IFIH1: variants seen among roughly 807,000 people sequenced by gnomAD.
IFIH1 encodes interferon induced with helicase C domain 1.
Under a neutral mutation model 107.4 loss-of-function variants are expected in IFIH1, and 125 were observed. The ratio of observed to expected loss-of-function variants is 1.16; its 90% CI spans 1.01 to 1.35. The LOEUF is 1.35. Among genes scored for constraint, IFIH1 ranks in the 40% most tolerant of loss-of-function variants. IFIH1 has a pLI of 0.00. For synonymous variants in IFIH1, 458 were observed against 413.2 expected (o/e 1.11, Z -1.31); for missense variants, 1,333 against 1,213.7 (o/e 1.10, Z -1.46).
intron 5 of IFIH1, among the ~76,000 whole-genome samples, chr2:162,287,245 A>G (rs1682910533): frequency 1.3e-5 from 2 of 151,990 alleles, no homozygotes; most frequent in Admixed American, 6.6e-5. Context: ...AACTTTTAGC[A>G]TAATAGAAAT....
chr2:162,275,546 T>C (rs2105195319), intron 11 of IFIH1, among the ~76,000 whole-genome samples: 1 of 152,310 alleles, frequency 6.6e-6, no homozygotes, highest in East Asian at 1.9e-4. Flanking sequence ...ATTAATTTTA[T>C]TGGCAATGCT....
chr2:162,302,071 C>A (rs1683203097), intron 3 of IFIH1, among the ~76,000 whole-genome samples: 1 of 152,048 alleles, frequency 6.6e-6, no homozygotes, highest in African/African-American at 2.4e-5. Context: ...ATGATGAAAT[C>A]ACTCTCTAGA....
rs765203521 is a variant in IFIH1 at position 162,268,105 on chromosome 2, T to C, written c.2789A>G (p.Asn930Ser). 19 of 1,605,836 alleles carry C rather than the reference T, an allele frequency of 1.2e-5. No homozygotes were observed. The highest frequency in any genetic ancestry group is 3.3e-4 in the Middle Eastern group (2 of 6,042). ...GACTCACTTGAATTCTGGGGTCATATTGACGTGATGCATTTTCTCAATTAC... is the reference window on the plus strand; with the variant it reads ...GACTCACTTGAATTCTGGGGTCATACTGACGTGATGCATTTTCTCAATTAC... ...IHVIEKMHHV[N>S]MTPEFKELYI... Residue 930 changes from asparagine (N) to serine (S), a missense_variant, in exon 14 of 16, where the codon AAT becomes AGT. Transcript: ENST00000649979.
At chr2:162,279,870 A>T in intron 8 of IFIH1, 126 bp downstream of exon 8, 3 of 670,848 alleles carry the variant, frequency 4.5e-6, no homozygotes, top group Non-Finnish European at 7.9e-6. Context: ...TTAAAAAAAA[A>T]CCTGAAACTT....
At chr2:162,317,016 G>GTGTGT (rs1683501522) in intron 1 of IFIH1, among the ~76,000 whole-genome samples, 1 of 143,950 alleles carries the variant, frequency 6.9e-6, no homozygotes, top group South Asian at 2.2e-4. Flanking sequence ...AAAGAAAAAG[G>GTGTGT]GTGTGTGTGT....
At chr2:162,300,319 A>T (rs989286012) in intron 3 of IFIH1, among the ~76,000 whole-genome samples, 4 of 152,048 alleles carry the variant, frequency 2.6e-5, no homozygotes, top group Non-Finnish European at 5.9e-5. Flanking sequence ...TTTTGTTAAA[A>T]CTCTGCTAAA....
At chr2:162,314,805 T>G (rs1274150340) in intron 1 of IFIH1, among the ~76,000 whole-genome samples, 5 of 152,142 alleles carry the variant, frequency 3.3e-5, no homozygotes, top group African/African-American at 1.2e-4. Flanking sequence ...GACATTCTTT[T>G]ATCAACACTA....
At chr2:162,285,820 A>G (rs1360880545) in intron 5 of IFIH1, among the ~76,000 whole-genome samples, 2 of 152,040 alleles carry the variant, frequency 1.3e-5, no homozygotes, top group Admixed American at 6.6e-5. Flanking sequence ...GAGACTTGAA[A>G]AGATCAATAG....
In IFIH1 at chr2:162,277,005, T is replaced by C. The variant is rs1682684997; in HGVS notation, c.2045-59A>G. The C allele has an allele frequency of 2.7e-5, 33 of 1,239,304 alleles. 1 individual carries two copies. Among genetic ancestry groups the C allele is most frequent in the Non-Finnish European group, 2.8e-5 (25 of 890,430 alleles). 76.8% of individuals were successfully genotyped at this position (1,239,304 alleles called of 1,614,324 possible). ...AGCTTGATTTAGCCACTCCACAATGTACAGATATATCAAACATTTTGTACA... is the reference window on the plus strand; with the variant it reads ...AGCTTGATTTAGCCACTCCACAATGCACAGATATATCAAACATTTTGTACA... On this transcript the variant is annotated intron_variant, in intron 10 of 15. Transcript: ENST00000649979.
rs765887304 is a variant in IFIH1, at chr2:162,272,356, G to A, written c.2486C>T (p.Thr829Ile). The change falls in exon 13 of 16, where the codon ACC becomes ATC. Residue 829 changes from threonine (T) to isoleucine (I), a missense_variant. Physicochemically the swap from Thr to Ile is moderately conservative, Grantham distance 89. Coordinates refer to ENST00000649979, the MANE Select transcript of IFIH1 (RefSeq NM_022168.4). ...ARGRARADES[T>I]YVLVAHSGSG... ...ACCACTGTGAGCAACCAGGACGTAG[G>A]TGCTCTCATCAGCTCTGGCTCGACC... The A allele has an allele frequency of 6.2e-7, 1 of 1,613,466 alleles. No homozygotes were observed. Among genetic ancestry groups the A allele is most frequent in the South Asian group, 1.1e-5 (1 of 91,070 alleles).
At chr2:162,288,417 C>A (rs938461954) in intron 4 of IFIH1, 62 bp from the exon 5 acceptor site, 2 of 1,251,970 alleles carry the variant, frequency 1.6e-6, no homozygotes, top group African/African-American at 3.0e-5. Context: ...CTTAGGAAGC[C>A]TGAAACTGAA....
intron 4 of IFIH1, among the ~76,000 whole-genome samples, chr2:162,289,722 G>A (rs1365363460): frequency 1.3e-5 from 2 of 151,794 alleles, no homozygotes; most frequent in Non-Finnish European, 2.9e-5. Flanking sequence ...TACTAACCTG[G>A]CAGGAAATTT....
chr2:162,277,683 T>C lies in IFIH1; in HGVS notation c.1776A>G (p.Glu592=). The change falls in exon 10 of 16, where the codon GAA becomes GAG. Residue 592 remains glutamate, a synonymous_variant. Transcript: ENST00000649979. ...CACAAACACGTTCTTTGCGATTTCC[T>C]TCTTTTGCAGCTGTGAAAAAATATA... ...AIQMEKKAAK[E]GNRKERVCAE... 1 of 1,602,808 alleles carries C rather than the reference T, an allele frequency of 6.2e-7. No individual in the cohort carries two copies.
chr2:162,268,303 G>T (rs762898825), intron 13 of IFIH1, 26 bp from the exon 14 acceptor site: 1 of 1,477,610 alleles, frequency 6.8e-7, no homozygotes, highest in South Asian at 1.3e-5. Flanking sequence ...AATAGTTAGT[G>T]GTTTCAGGTT....
chr2:162,318,414 G>T lies in IFIH1; in HGVS notation c.-107C>A. ...TGTCCGCTGCCCACTTAGAGAAGCA[G>T]GGTCTACCGCTCTGTGCCTGACAAT... On this transcript the variant is annotated 5_prime_UTR_variant, in exon 1 of 16. In the 5' UTR this introduces an upstream ATG that the reference lacks. Coordinates refer to ENST00000649979, the MANE Select transcript of IFIH1 (RefSeq NM_022168.4). The T allele has an allele frequency of 1.1e-6, 1 of 917,706 alleles. No individual in the cohort carries two copies. The highest frequency in any genetic ancestry group is 2.4e-5 in the East Asian group (1 of 40,926). 56.8% of individuals were successfully genotyped at this position (917,706 alleles called of 1,614,324 possible).
rs192833697 is a variant in IFIH1, at chr2:162,312,719, C to T, written c.454-1786G>A. Among the ~76,000 whole-genome samples, 660 of 152,200 alleles carry T rather than the reference C, an allele frequency of 4.3e-3. 7 individuals carry two copies. The highest frequency in any genetic ancestry group is 0.015 in the African/African-American group (626 of 41,542). On this transcript the variant is annotated intron_variant, in intron 1 of 15. Transcript: ENST00000649979. ...TAGTCTCCTAATGGAAATTCTTTGG[C>T]TTCCCTGATGTTGTAACATCTTTAT...
At chr2:162,307,674 T>C (rs1683309729) in intron 2 of IFIH1, among the ~76,000 whole-genome samples, 1 of 152,188 alleles carries the variant, frequency 6.6e-6, no homozygotes, top group African/African-American at 2.4e-5. Context: ...TTCTAACGTA[T>C]CATTTTTTAT....
At chr2:162,293,761 T>A in intron 3 of IFIH1, 93 bp from the exon 4 acceptor site, 2 of 704,160 alleles carry the variant, frequency 2.8e-6, no homozygotes, top group South Asian at 4.2e-5. Context: ...GTACATACAG[T>A]TCAATTCAAG....
intron 7 of IFIH1, among the ~76,000 whole-genome samples, chr2:162,280,479 G>T (rs1032266962): frequency 1.3e-5 from 2 of 151,934 alleles, no homozygotes; most frequent in African/African-American, 4.8e-5. Flanking sequence ...GACAGAGAAT[G>T]ATTTTGAGAT....
Sources: allele counts gnomAD v4.1 joint callset (sites outside exome capture counted in the v4.1 genomes callset), GRCh38; gene constraint gnomAD v4.1.1; transcripts MANE v1.5; gene names NCBI Gene and HGNC (gene_info 2026-07-23, HGNC 2026-07-21).